SIPA1L1: variants seen among roughly 807,000 people sequenced by gnomAD.
The protein encoded by SIPA1L1 is signal induced proliferation associated 1 like 1, also known as signal-induced proliferation-associated 1-like protein 1.
In SIPA1L1, 26 loss-of-function variants were observed where a neutral mutation model predicts 162.7. That is an observed-to-expected ratio of 0.16 (90% CI 0.12 to 0.22). The LOEUF is 0.22. Ranked by LOEUF, SIPA1L1 falls within the 10% of genes least tolerant of loss-of-function variation. The probability of loss-of-function intolerance (pLI) is 1.00; values close to 1 mark genes in which losing one functional copy is unlikely to be tolerated. For missense variants in SIPA1L1, 1,874 were observed against 2,241.0 expected, an observed-to-expected ratio of 0.84 and a Z score of 3.31; for synonymous variants, 829 against 837.4, an observed-to-expected ratio of 0.99 and a Z score of 0.17.
chr14:71,502,255 A>AATATATATATATATATATAT (rs60241101), intron 2 of SIPA1L1, among the ~76,000 whole-genome samples: 87 of 97,516 alleles, frequency 8.9e-4, no homozygotes, highest in African/African-American at 1.1e-3. Flanking sequence ...AAAAAAAAAA[A>AATATATATATATATATATAT]ATATATATAT....
intron 2 of SIPA1L1, among the ~76,000 whole-genome samples, chr14:71,484,277 T>A (rs79177128): frequency 1.4e-5 from 2 of 144,858 alleles, no homozygotes; most frequent in Non-Finnish European, 3.0e-5. Context: ...TTGGACAGCT[T>A]TTTTTTTTTT....
intron 2 of SIPA1L1, among the ~76,000 whole-genome samples, chr14:71,334,802 G>A (rs959410015): frequency 6.6e-6 from 1 of 152,018 alleles, no homozygotes; most frequent in East Asian, 1.9e-4. Flanking sequence ...TTTTCAGGCA[G>A]GTGAAATACA....
In SIPA1L1 at chr14:71,734,397, T is replaced by C. The variant is rs543446698; in HGVS notation, c.5008+585T>C. On this transcript the variant is annotated intron_variant, in intron 21 of 23. Coordinates refer to ENST00000381232, the MANE Select transcript of SIPA1L1 (RefSeq NM_001386936.1). Reference sequence around the variant, plus strand: ...CAAAAAGTAGTGCAGTATGTGTGTGTTGACATAAGATTGTCAGCTGGGGTT... The same window carrying C: ...CAAAAAGTAGTGCAGTATGTGTGTGCTGACATAAGATTGTCAGCTGGGGTT... 6.6e-5 allele frequency among the ~76,000 whole-genome samples: 10 copies of C among 152,386 alleles called. No individual in the cohort carries two copies. The South Asian group carries it at 2.1e-3, about 32-fold the overall frequency.
At position 71,685,611 on chromosome 14, in the gene SIPA1L1, C is replaced by T. The variant is rs778906238; in HGVS notation, c.3354C>T (p.Asp1118=). Residue 1118 remains aspartate, a synonymous_variant, in exon 13 of 24, where the codon GAC becomes GAT. Transcript: ENST00000381232. ...ACATCCCTCGAAGCATCTCCAGTGA[C>T]GGGCGCCCACTAGAGAGGCGGTAAG... ...AANIPRSISS[D]GRPLERRLSP... 5.0e-6 allele frequency: 8 copies of T among 1,614,028 alleles called. 1 individual carries two copies. Among genetic ancestry groups the T allele is most frequent in the Middle Eastern group, 1.6e-4 (1 of 6,080 alleles).
chr14:71,569,309 A>T (rs1022282244), intron 4 of SIPA1L1, among the ~76,000 whole-genome samples: 3 of 152,004 alleles, frequency 2.0e-5, no homozygotes, highest in Non-Finnish European at 2.9e-5. Flanking sequence ...AAAAATGTTG[A>T]CTCTCTGCAA....
intron 4 of SIPA1L1, among the ~76,000 whole-genome samples, chr14:71,578,819 C>T (rs1472817819): frequency 6.6e-6 from 1 of 152,194 alleles, no homozygotes; most frequent in African/African-American, 2.4e-5. Flanking sequence ...TTCTTGGGAG[C>T]ACTTTTACCA....
intron 2 of SIPA1L1, among the ~76,000 whole-genome samples, chr14:71,427,655 C>G (rs1051923400): frequency 6.6e-6 from 1 of 152,182 alleles, no homozygotes; most frequent in Non-Finnish European, 1.5e-5. Context: ...GTCCTCTCTT[C>G]AGGTTCACTG....
intron 13 of SIPA1L1, among the ~76,000 whole-genome samples, chr14:71,694,435 G>A (rs902936838): frequency 2.0e-5 from 3 of 151,992 alleles, no homozygotes; most frequent in African/African-American, 7.2e-5. Context: ...GACTGTGGAA[G>A]TAATGTCTCT....
At chr14:71,464,360 C>T (rs1051320794) in intron 2 of SIPA1L1, among the ~76,000 whole-genome samples, 19 of 152,106 alleles carry the variant, frequency 1.2e-4, no homozygotes, top group Non-Finnish European at 2.5e-4. Context: ...AGCAGAGTCC[C>T]GGCCAGGCAT....
intron 8 of SIPA1L1, among the ~76,000 whole-genome samples, chr14:71,656,370 ATTGAC>A (rs2149172060): frequency 6.6e-6 from 1 of 152,304 alleles, no homozygotes; most frequent in African/African-American, 2.4e-5. Flanking sequence ...TTTGCTTAAA[ATTGAC>A]TTGAAACACA....
chr14:71,347,064 G>C (rs928297187), intron 2 of SIPA1L1, among the ~76,000 whole-genome samples: 2 of 150,550 alleles, frequency 1.3e-5, no homozygotes, highest in African/African-American at 4.9e-5. Flanking sequence ...CGATTCTCCT[G>C]TCTCAGCCCC....
rs1341294626 is a variant in SIPA1L1, at chr14:71,740,573, C to A, written c.*1412C>A. ...AGCGGCATCTGATTGGAAGTTCCCTCACCCAAGTAATCTCAATTCCTTCCT... is the reference window on the plus strand; with the variant it reads ...AGCGGCATCTGATTGGAAGTTCCCTAACCCAAGTAATCTCAATTCCTTCCT... On this transcript the variant is annotated 3_prime_UTR_variant, in exon 24 of 24. Transcript: ENST00000381232. The A allele has an allele frequency of 5.3e-5, 8 of 152,216 alleles. No individual in the cohort carries two copies. 9.4% of individuals were successfully genotyped at this position (152,216 alleles called of 1,614,324 possible).
chr14:71,610,357 T>A (rs1474504325), intron 5 of SIPA1L1, among the ~76,000 whole-genome samples: 1 of 152,242 alleles, frequency 6.6e-6, no homozygotes, highest in East Asian at 1.9e-4. Flanking sequence ...GTAAATGAAA[T>A]GTGAGCCTTG....
chr14:71,475,248 G>C (rs987943775), intron 2 of SIPA1L1, among the ~76,000 whole-genome samples: 3 of 152,172 alleles, frequency 2.0e-5, no homozygotes, highest in Non-Finnish European at 4.4e-5. Flanking sequence ...TGTAATAAAA[G>C]CAGGTTTGTT....
In SIPA1L1 at chr14:71,446,894, G is replaced by GTTTT. The variant is rs765106790; in HGVS notation, c.-464-65841_-464-65838dup. Among the ~76,000 whole-genome samples the GTTTT allele has an allele frequency of 1.7e-3, 149 of 87,388 alleles. 13 individuals are homozygous for GTTTT. Among genetic ancestry groups the GTTTT allele is most frequent in the East Asian group, 0.013 (32 of 2,446 alleles). The allele number at this position is 87,388 out of a possible 152,430, so 57.3% of individuals were successfully genotyped here. A position where few individuals can be genotyped will look rare whatever the true frequency, so the allele number is the denominator to read the frequency against. ...CTGCAAATAAAGAGAGATGGGCTCTGTTTTTTTTTTTGTTTTTTTTTTTTT... is the reference window on the plus strand; with the variant it reads ...CTGCAAATAAAGAGAGATGGGCTCTGTTTTTTTTTTTTTTTGTTTTTTTTTTTTT... On this transcript the variant is annotated intron_variant, in intron 2 of 23. Transcript: ENST00000381232.
chr14:71,342,404 T>G (rs1016716530), intron 2 of SIPA1L1, among the ~76,000 whole-genome samples: 2 of 152,216 alleles, frequency 1.3e-5, no homozygotes, highest in African/African-American at 2.4e-5. Context: ...ATCTCCAAAC[T>G]GCTTTCCACA....
intron 23 of SIPA1L1, 135 bp from the exon 24 acceptor site, chr14:71,738,883 G>T: frequency 1.0e-6 from 1 of 998,048 alleles, no homozygotes; most frequent in South Asian, 1.7e-5. Flanking sequence ...ATACCAGTCC[G>T]TTTAGACAGG....
intron 2 of SIPA1L1, among the ~76,000 whole-genome samples, chr14:71,483,852 C>A (rs2048533027): frequency 6.6e-6 from 1 of 152,160 alleles, no homozygotes; most frequent in Non-Finnish European, 1.5e-5. Context: ...TGGAACTAGG[C>A]CCTTCTGATG....
intron 4 of SIPA1L1, among the ~76,000 whole-genome samples, chr14:71,536,694 G>A (rs1464741807): frequency 6.6e-6 from 1 of 152,218 alleles, no homozygotes; most frequent in Non-Finnish European, 1.5e-5. Flanking sequence ...ACAGTAGCTT[G>A]CTGGATTTCA....
Sources: allele counts gnomAD v4.1 joint callset (sites outside exome capture counted in the v4.1 genomes callset), GRCh38; gene constraint gnomAD v4.1.1; transcripts MANE v1.5; gene names NCBI Gene and HGNC (gene_info 2026-07-23, HGNC 2026-07-21).